Variants in G6PC1 observed in about 807,000 individuals in gnomAD.
G6PC1 encodes the protein G-6-Pase.
In G6PC1, 23 loss-of-function variants were observed where a neutral mutation model predicts 30.4. The observed-to-expected ratio is 0.76, with a 90% CI of 0.55 to 1.07. G6PC1 has a LOEUF of 1.07. Among genes scored for constraint, G6PC1 ranks in the 50% least tolerant of loss-of-function variants. G6PC1 has a pLI of 0.00. For synonymous variants in G6PC1, 163 were observed against 175.6 expected (o/e 0.93, Z 0.57); for missense variants, 391 against 433.9 (o/e 0.90, Z 0.88).
chr17:42,908,755 G>A (rs1311340507), intron 3 of G6PC1, among the ~76,000 whole-genome samples: 1 of 144,924 alleles, frequency 6.9e-6, no homozygotes, highest in African/African-American at 2.6e-5. Context: ...CCAGGCTAGA[G>A]TGCAGTGGCG....
intron 3 of G6PC1, among the ~76,000 whole-genome samples, chr17:42,908,553 C>T (rs939541318): frequency 4.0e-5 from 6 of 150,858 alleles, no homozygotes; most frequent in African/African-American, 1.5e-4. Context: ...ACTACAGGCA[C>T]GTGCCACCAC....
chr17:42,909,276 C>A, intron 3 of G6PC1, 27 bp from the exon 4 acceptor site: 1 of 1,513,544 alleles, frequency 6.6e-7, no homozygotes, highest in Non-Finnish European at 9.2e-7. Context: ...CACCTGTGTT[C>A]TGTTATGGTT....
At chr17:42,902,304 A>G (rs960345590) in intron 1 of G6PC1, among the ~76,000 whole-genome samples, 18 of 151,854 alleles carry the variant, frequency 1.2e-4, no homozygotes, top group African/African-American at 4.4e-4. Context: ...CTGGAGTGCA[A>G]TGGTGCAATC....
At chr17:42,908,878 AT>A (rs796714601) in intron 3 of G6PC1, among the ~76,000 whole-genome samples, 1,630 of 140,788 alleles carry the variant, frequency 0.012, 29 homozygotes, top group African/African-American at 0.04. Flanking sequence ...TAATTTTGTA[AT>A]TTTTTTTTTA....
intron 1 of G6PC1, among the ~76,000 whole-genome samples, chr17:42,902,102 T>C (rs1280346399): frequency 1.3e-5 from 2 of 152,212 alleles, no homozygotes; most frequent in African/African-American, 4.8e-5. Flanking sequence ...GTAGGCAGGC[T>C]GGCTTCCGCG....
intron 1 of G6PC1, among the ~76,000 whole-genome samples, chr17:42,902,214 A>G (rs2056030461): frequency 6.6e-6 from 1 of 152,130 alleles, no homozygotes; most frequent in Non-Finnish European, 1.5e-5. Flanking sequence ...TCTATCACGT[A>G]AACATTCCCA....
chr17:42,911,436 A>T lies in G6PC1; in HGVS notation c.*10A>T. On this transcript the variant is annotated 3_prime_UTR_variant, in exon 5 of 5. Coordinates refer to ENST00000253801, the MANE Select transcript of G6PC1 (RefSeq NM_000151.4). ...CAAGAAGTCGTTGTAAGAGATGTGGAGTCTTCGGTGTTTAAAGTCAACAAC... is the reference window on the plus strand; with the variant it reads ...CAAGAAGTCGTTGTAAGAGATGTGGTGTCTTCGGTGTTTAAAGTCAACAAC... 1.2e-6 allele frequency: 2 copies of T among 1,614,110 alleles called. No homozygotes were observed. Among genetic ancestry groups the T allele is most frequent in the Non-Finnish European group, 1.7e-6 (2 of 1,180,016 alleles).
intron 4 of G6PC1, among the ~76,000 whole-genome samples, chr17:42,910,610 G>A (rs2056088818): frequency 6.6e-6 from 1 of 152,188 alleles, no homozygotes. Context: ...AAAATGGACT[G>A]TTATAGTGGG....
chr17:42,911,013 A>G lies in G6PC1; in HGVS notation c.661A>G (p.Ile221Val). 2.5e-6 allele frequency: 4 copies of G among 1,614,186 alleles called. No homozygotes were observed. Among genetic ancestry groups the G allele is most frequent in the Non-Finnish European group, 3.4e-6 (4 of 1,180,032 alleles). The change falls in exon 5 of 5, where the codon ATC (isoleucine) becomes GTC (valine). Residue 221 changes from isoleucine (I) to valine (V), a missense_variant. Ile to Val is a conservative substitution (Grantham distance 29). Transcript: ENST00000253801. ...LITFFLFSFA[I>V]GFYLLLKGLG... ...TACCTTCTTCCTGTTCAGCTTCGCC[A>G]TCGGATTTTATCTGCTGCTCAAGGG...
At chr17:42,904,973 G>A (rs1481876827) in intron 2 of G6PC1, among the ~76,000 whole-genome samples, 3 of 151,862 alleles carry the variant, frequency 2.0e-5, no homozygotes, top group Non-Finnish European at 2.9e-5. Context: ...TTGGTCAGGC[G>A]TGATGGCACA....
chr17:42,901,704 C>CAA (rs556849448), intron 1 of G6PC1, among the ~76,000 whole-genome samples: 33 of 125,892 alleles, frequency 2.6e-4, no homozygotes, highest in African/African-American at 7.5e-4. Context: ...GACCCTGTCT[C>CAA]AAAAAAAAAA....
chr17:42,911,551 A>G lies in G6PC1; in HGVS notation c.*125A>G. 1 of 1,450,554 alleles carries G rather than the reference A, an allele frequency of 6.9e-7. No individual in the cohort carries two copies. The allele number at this position is 1,450,554 out of a possible 1,614,324, so 89.9% of individuals were successfully genotyped here. On this transcript the variant is annotated 3_prime_UTR_variant, in exon 5 of 5. Coordinates refer to ENST00000253801, the MANE Select transcript of G6PC1 (RefSeq NM_000151.4). ...ATGCCATCCATTCTGCCGTCGTGGAATTAAATCACGGATGGCAGATTGGAG... is the reference window on the plus strand; with the variant it reads ...ATGCCATCCATTCTGCCGTCGTGGAGTTAAATCACGGATGGCAGATTGGAG...
chr17:42,910,013 G>A (rs1181002577), intron 4 of G6PC1, among the ~76,000 whole-genome samples: 3 of 151,860 alleles, frequency 2.0e-5, no homozygotes, highest in Non-Finnish European at 4.4e-5. Flanking sequence ...ACAGGCGCCC[G>A]CCACCATGCC....
rs921369844 is a variant in G6PC1 at position 42,912,767 on chromosome 17, G to A, written c.*1341G>A. ...TGGGACTACAGGTGCAAGCCACTAT[G>A]TCCAGCTAGCCAACTCCTCCTTGCC... On this transcript the variant is annotated 3_prime_UTR_variant, in exon 5 of 5. Transcript: ENST00000253801. The A allele has an allele frequency of 6.6e-6, 1 of 151,772 alleles. No individual in the cohort carries two copies. Among genetic ancestry groups the A allele is most frequent in the African/African-American group, 2.4e-5 (1 of 41,296 alleles). The allele number at this position is 151,772 out of a possible 1,614,324, so 9.4% of individuals were successfully genotyped here.
Position 42,900,898 on chromosome 17 carries a change from C to T in G6PC1, c.22C>T (p.Leu8Phe), listed in dbSNP as rs1257822732. Residue 8 changes from leucine to phenylalanine, a missense_variant, in exon 1 of 5, where the codon CTC (leucine) becomes TTC (phenylalanine). Transcript: ENST00000253801. MEEGMNV[L>F]HDFGIQSTHY... The stretch of plus-strand genomic sequence containing the variant: ...GAGGATGGAGGAAGGAATGAATGTT[C>T]TCCATGACTTTGGGATCCAGTCAAC... The T allele has an allele frequency of 1.9e-6, 3 of 1,614,082 alleles. No individual in the cohort carries two copies. In the South Asian group the frequency reaches 3.3e-5, roughly 18 times the overall value.
At chr17:42,909,997 G>T (rs2056085619) in intron 4 of G6PC1, among the ~76,000 whole-genome samples, 1 of 151,792 alleles carries the variant, frequency 6.6e-6, no homozygotes, top group Non-Finnish European at 1.5e-5. Flanking sequence ...CCGAGTAGCT[G>T]GGACTACAGG....
In G6PC1 at chr17:42,900,836, G is replaced by C; in HGVS notation, c.-41G>C. 1.3e-6 allele frequency: 2 copies of C among 1,530,502 alleles called. No individual in the cohort carries two copies. The highest frequency in any genetic ancestry group is 4.5e-5 in the East Asian group (2 of 44,384). The allele number at this position is 1,530,502 out of a possible 1,614,324, so 94.8% of individuals were successfully genotyped here. Reference sequence around the variant, plus strand: ...ACCACCAAGCCTGGAATAACTGCAAGGGCTCTGCTGACATCTTCCTGAGGT... The same window carrying C: ...ACCACCAAGCCTGGAATAACTGCAACGGCTCTGCTGACATCTTCCTGAGGT... On this transcript the variant is annotated 5_prime_UTR_variant, in exon 1 of 5. Coordinates refer to ENST00000253801, the MANE Select transcript of G6PC1 (RefSeq NM_000151.4).
rs752496230 is a variant in G6PC1 at position 42,907,715 on chromosome 17, C to G, written c.446+87C>G. The G allele has an allele frequency of 1.4e-5, 13 of 907,892 alleles. No homozygotes were observed. In the South Asian group the frequency reaches 1.6e-4, roughly 11 times the overall value. The allele number at this position is 907,892 out of a possible 1,614,324, so 56.2% of individuals were successfully genotyped here. A position where few individuals can be genotyped will look rare whatever the true frequency, so the allele number is the denominator to read the frequency against. On this transcript the variant is annotated intron_variant, in intron 3 of 4. Coordinates refer to ENST00000253801, the MANE Select transcript of G6PC1 (RefSeq NM_000151.4). ...ACACACCACGTATTCTTCCTCACATCCCCCTAGCCCGCTCCCACACCTGGG... is the reference window on the plus strand; with the variant it reads ...ACACACCACGTATTCTTCCTCACATGCCCCTAGCCCGCTCCCACACCTGGG...
intron 4 of G6PC1, among the ~76,000 whole-genome samples, chr17:42,910,097 C>T (rs1173689024): frequency 3.9e-5 from 6 of 152,074 alleles, no homozygotes; most frequent in East Asian, 1.9e-4. Flanking sequence ...GTGATCCGCC[C>T]GCCTCGGCCT....
Sources: allele counts gnomAD v4.1 joint callset (sites outside exome capture counted in the v4.1 genomes callset), GRCh38; gene constraint gnomAD v4.1.1; transcripts MANE v1.5; gene names NCBI Gene and HGNC (gene_info 2026-07-23, HGNC 2026-07-21).